The following LPAR6 variants were observed in gnomAD, a reference collection of about 807,000 sequenced individuals.
LPAR6 encodes lysophosphatidic acid receptor 6, also known as G-protein coupled purinergic receptor P2Y5.
LPAR6 carries 17 observed loss-of-function variants against 22.0 expected under a neutral mutation model. The ratio of observed to expected loss-of-function variants is 0.77; its 90% CI spans 0.53 to 1.16. LPAR6 has a LOEUF of 1.16. Ranked by LOEUF, LPAR6 falls within the 50% of genes most tolerant of loss-of-function variation. The pLI is 0.00. For missense variants in LPAR6, 384 were observed against 406.9 expected (o/e 0.94, Z 0.48); for synonymous variants, 136 against 139.8 (o/e 0.97, Z 0.19).
At chr13:48,390,838 T>A (rs1264217609) in intron 1 of LPAR6, among the ~76,000 whole-genome samples, 1 of 152,200 alleles carries the variant, frequency 6.6e-6, no homozygotes, top group Non-Finnish European at 1.5e-5. Flanking sequence ...ATTTAACTTA[T>A]ACGTGTCTTT....
chr13:48,402,160 T>G (rs1948697790), intron 1 of LPAR6, among the ~76,000 whole-genome samples: 1 of 152,180 alleles, frequency 6.6e-6, no homozygotes, highest in Non-Finnish European at 1.5e-5. Context: ...CTGAACTTAC[T>G]ATCTGTTCTT....
In LPAR6 at chr13:48,412,048, TCTTTGA is replaced by T. The variant is rs758838146; in HGVS notation, c.370_375del (p.Ser124_Lys125del). Reference sequence around the variant, plus strand: ...TTTGCATTTCTTTTGGTTCTTAGAGTCTTTGACTTAAATGGGTAGACAATTGCCAGA... The same window carrying T: ...TTTGCATTTCTTTTGGTTCTTAGAGTCTTAAATGGGTAGACAATTGCCAGA... On this transcript the variant is annotated inframe_deletion, in exon 1 of 1. Transcript: ENST00000620633. The T allele has an allele frequency of 4.7e-5, 76 of 1,612,964 alleles. No individual in the cohort carries two copies. The highest frequency in any genetic ancestry group is 7.6e-6 in the Non-Finnish European group (9 of 1,179,694).
At chr13:48,394,038 C>A (rs1948629899) in intron 1 of LPAR6, among the ~76,000 whole-genome samples, 1 of 152,150 alleles carries the variant, frequency 6.6e-6, no homozygotes, top group African/African-American at 2.4e-5. Flanking sequence ...TTCTCCATTT[C>A]CAACTGAGGT....
chr13:48,412,639 T>C lies in LPAR6; in HGVS notation c.-216A>G. On this transcript the variant is annotated 5_prime_UTR_variant, in exon 1 of 1. Coordinates refer to ENST00000620633, the MANE Select transcript of LPAR6 (RefSeq NM_001162498.3). The stretch of plus-strand genomic sequence containing the variant: ...CGCTGGGTTCTTCAACAGGAAAATA[T>C]TTTCATTTGTTAGTCTTTAGAAAAT... 1.7e-6 allele frequency: 1 copy of C among 587,918 alleles called. No individual in the cohort carries two copies. Among genetic ancestry groups the C allele is most frequent in the Non-Finnish European group, 3.1e-6 (1 of 322,516 alleles). The allele number at this position is 587,918 out of a possible 1,614,324, so 36.4% of individuals were successfully genotyped here. A position where few individuals can be genotyped will look rare whatever the true frequency, so the allele number is the denominator to read the frequency against.
chr13:48,438,515 G>C (rs1290721111), intron 1 of LPAR6, among the ~76,000 whole-genome samples: 1 of 151,160 alleles, frequency 6.6e-6, no homozygotes, highest in African/African-American at 2.4e-5. Context: ...TTTTATTCTG[G>C]TACTTAGCAC....
At chr13:48,400,710 A>T (rs978813755) in intron 1 of LPAR6, among the ~76,000 whole-genome samples, 3 of 152,122 alleles carry the variant, frequency 2.0e-5, no homozygotes, top group African/African-American at 7.2e-5. Flanking sequence ...TCTGTATCTC[A>T]GGTTTCCTTG....
chr13:48,402,726 T>C (rs1474034334), intron 1 of LPAR6, among the ~76,000 whole-genome samples: 3 of 152,118 alleles, frequency 2.0e-5, no homozygotes, highest in Non-Finnish European at 2.9e-5. Flanking sequence ...TAAATGCAGG[T>C]CCATTTTTTC....
chr13:48,434,193 T>C (rs2138286925), intron 1 of LPAR6, among the ~76,000 whole-genome samples: 1 of 152,122 alleles, frequency 6.6e-6, no homozygotes, highest in Admixed American at 6.5e-5. Context: ...ATGCCTGTAA[T>C]CCTTACACTT....
intron 1 of LPAR6, among the ~76,000 whole-genome samples, chr13:48,444,214 G>T (rs1231317080): frequency 1.3e-5 from 2 of 152,010 alleles, no homozygotes; most frequent in Non-Finnish European, 2.9e-5. Flanking sequence ...ATTTGCTGGA[G>T]CTGCTCACAA....
At chr13:48,400,280 T>G (rs1474095669) in intron 1 of LPAR6, among the ~76,000 whole-genome samples, 1 of 152,132 alleles carries the variant, frequency 6.6e-6, no homozygotes, top group Admixed American at 6.6e-5. Context: ...TATTAACTCA[T>G]AACTTCTCAC....
intron 1 of LPAR6, chr13:48,444,537 A>G (rs1216816780): frequency 6.6e-6 from 1 of 152,504 alleles, no homozygotes; most frequent in Non-Finnish European, 1.5e-5. Context: ...GAAAAAATCA[A>G]AGGAAACACA....
At chr13:48,417,381 A>C (rs981387607), upstream of LPAR6, 2 of 152,248 alleles carry the variant, frequency 1.3e-5, no homozygotes, top group Non-Finnish European at 2.9e-5. Context: ...AATAGCATCA[A>C]TATCAACAAA....
intron 1 of LPAR6, among the ~76,000 whole-genome samples, chr13:48,392,143 C>T (rs1271451572): frequency 1.3e-5 from 2 of 151,986 alleles, no homozygotes; most frequent in African/African-American, 4.8e-5. Context: ...TGAAGCCTCG[C>T]TCTTTTGCCC....
downstream of LPAR6, chr13:48,408,785 C>A (rs937586082): frequency 4.6e-5 from 7 of 151,990 alleles, no homozygotes; most frequent in Non-Finnish European, 2.9e-5. Flanking sequence ...CAAGAGACAC[C>A]AAAAAGTTTC....
intron 1 of LPAR6, chr13:48,404,175 A>T (rs1357838881): frequency 6.6e-6 from 1 of 152,168 alleles, no homozygotes; most frequent in African/African-American, 2.4e-5. Flanking sequence ...TTTTGTGTAC[A>T]CTTACAGACA....
upstream of LPAR6, among the ~76,000 whole-genome samples, chr13:48,430,180 T>C: frequency 6.6e-6 from 1 of 152,212 alleles, no homozygotes; most frequent in East Asian, 1.9e-4. Flanking sequence ...TTGCATTTCT[T>C]TAGTTATAAG....
intron 2 of LPAR6, among the ~76,000 whole-genome samples, chr13:48,420,385 C>G (rs1247375549): frequency 6.6e-6 from 1 of 152,180 alleles, no homozygotes; most frequent in African/African-American, 2.4e-5. Context: ...TGGAATGTAT[C>G]TCAAAATAAT....
intron 1 of LPAR6, among the ~76,000 whole-genome samples, chr13:48,392,757 T>A (rs2138162716): frequency 6.6e-6 from 1 of 152,124 alleles, no homozygotes; most frequent in Non-Finnish European, 1.5e-5. Flanking sequence ...TAGTTCTCTC[T>A]CTCTCTCTCT....
intron 1 of LPAR6, among the ~76,000 whole-genome samples, chr13:48,442,896 C>A (rs1949251885): frequency 6.6e-6 from 1 of 151,800 alleles, no homozygotes; most frequent in South Asian, 2.1e-4. Flanking sequence ...AAAAAAATAC[C>A]CAACACCACA....
Sources: allele counts gnomAD v4.1 joint callset (sites outside exome capture counted in the v4.1 genomes callset), GRCh38; gene constraint gnomAD v4.1.1; transcripts MANE v1.5; gene names NCBI Gene and HGNC (gene_info 2026-07-23, HGNC 2026-07-21).